Variants in SOX5 observed in about 807,000 individuals in gnomAD.
The protein encoded by SOX5 is transcription factor SOX-5.
In SOX5, 9 loss-of-function variants were observed where a neutral mutation model predicts 92.0. That is an observed-to-expected ratio of 0.10 (90% CI 0.06 to 0.17). SOX5 has a LOEUF of 0.17. Among genes scored for constraint, SOX5 ranks in the 10% least tolerant of loss-of-function variants. The pLI is 1.00. For synonymous variants in SOX5, 344 were observed against 336.3 expected (o/e 1.02, Z -0.25); for missense variants, 642 against 944.5 (o/e 0.68, Z 4.20).
At chr12:24,357,275 G>C (rs1224717955) in intron 2 of SOX5, 1 of 152,166 alleles carries the variant, frequency 6.6e-6, no homozygotes, top group East Asian at 1.9e-4. Flanking sequence ...TAAGACAAGA[G>C]AAACAAGACT....
At chr12:24,050,336 T>C (rs1407619855) in intron 4 of SOX5, among the ~76,000 whole-genome samples, 5 of 152,156 alleles carry the variant, frequency 3.3e-5, no homozygotes, top group African/African-American at 9.7e-5. Flanking sequence ...TGACTAGACA[T>C]ACATTACTCA....
chr12:24,023,878 A>G (rs1021671), intron 4 of SOX5, among the ~76,000 whole-genome samples: 89,316 of 151,806 alleles, frequency 0.59, 26,497 homozygotes, highest in East Asian at 0.7. Context: ...CATAATCCCC[A>G]CCCTCAGGAT....
chr12:23,737,994 C>T (rs907325015), intron 5 of SOX5, among the ~76,000 whole-genome samples: 9 of 152,198 alleles, frequency 5.9e-5, no homozygotes, highest in Admixed American at 2.6e-4. Context: ...GTACAGTTTA[C>T]TGGTTTACTT....
chr12:23,600,625 G>C (rs1229503036), intron 9 of SOX5, among the ~76,000 whole-genome samples: 5 of 145,980 alleles, frequency 3.4e-5, no homozygotes, highest in Non-Finnish European at 7.5e-5. Context: ...CAATATGTCA[G>C]GCATTAGTGC....
intron 2 of SOX5, among the ~76,000 whole-genome samples, chr12:24,326,900 A>G (rs533488733): frequency 2.6e-5 from 4 of 151,832 alleles, no homozygotes; most frequent in East Asian, 1.9e-4. Flanking sequence ...TTTTACTTGC[A>G]TTGGTTTTTC....
chr12:23,837,918 GTTTATATTTATATAATATATA>G (rs2096451077), intron 3 of SOX5, among the ~76,000 whole-genome samples: 1 of 108,788 alleles, frequency 9.2e-6, no homozygotes, highest in Non-Finnish European at 1.7e-5. Context: ...TATATACTAT[GTTTATATTTATATAATATATA>G]TTTATATTTA....
At chr12:23,909,305 G>C (rs1286492721) in intron 1 of SOX5, among the ~76,000 whole-genome samples, 2 of 152,136 alleles carry the variant, frequency 1.3e-5, no homozygotes, top group Non-Finnish European at 2.9e-5. Context: ...ACATACAATG[G>C]AGGTGTTTTC....
At chr12:24,368,742 C>T (rs1410539876) in intron 1 of SOX5, 2 of 152,176 alleles carry the variant, frequency 1.3e-5, no homozygotes, top group Admixed American at 1.3e-4. Flanking sequence ...AGTAACCATC[C>T]ATATATCAAC....
chr12:23,606,677 C>G (rs768801344), intron 8 of SOX5, among the ~76,000 whole-genome samples: 36 of 151,764 alleles, frequency 2.4e-4, no homozygotes, highest in Non-Finnish European at 4.1e-4. Context: ...ATTAAAAATA[C>G]AAGTATAAAA....
intron 1 of SOX5, among the ~76,000 whole-genome samples, chr12:24,481,189 G>A (rs551390306): frequency 6.6e-6 from 1 of 152,238 alleles, no homozygotes; most frequent in African/African-American, 2.4e-5. Context: ...TCGCTTATGT[G>A]TGCAATCTGA....
chr12:23,996,871 G>T (rs2091038320), intron 4 of SOX5, among the ~76,000 whole-genome samples: 1 of 152,162 alleles, frequency 6.6e-6, no homozygotes. Flanking sequence ...TTCTTTTGAG[G>T]TGATGAAACT....
intron 1 of SOX5, among the ~76,000 whole-genome samples, chr12:23,930,192 C>A (rs571001950): frequency 6.6e-6 from 1 of 151,816 alleles, no homozygotes; most frequent in African/African-American, 2.4e-5. Flanking sequence ...ACTGGTAAAG[C>A]AGACTTTGTT....
chr12:23,611,707 G>A (rs2075985018), intron 8 of SOX5, among the ~76,000 whole-genome samples: 1 of 152,092 alleles, frequency 6.6e-6, no homozygotes, highest in Non-Finnish European at 1.5e-5. Flanking sequence ...ATATGACAGT[G>A]TATGGTTTGA....
chr12:24,066,181 C>G (rs968764902), intron 4 of SOX5, among the ~76,000 whole-genome samples: 1 of 152,166 alleles, frequency 6.6e-6, no homozygotes, highest in Non-Finnish European at 1.5e-5. Flanking sequence ...AAGATACAAT[C>G]TCTTCTCTTA....
chr12:24,411,676 T>C (rs1206086603), intron 1 of SOX5, among the ~76,000 whole-genome samples: 2 of 152,226 alleles, frequency 1.3e-5, no homozygotes, highest in African/African-American at 4.8e-5. Flanking sequence ...TCATGATGTA[T>C]AATATGGTTC....
At chr12:23,538,307 G>A (rs1008325071) in intron 13 of SOX5, among the ~76,000 whole-genome samples, 1 of 152,152 alleles carries the variant, frequency 6.6e-6, no homozygotes, top group Non-Finnish European at 1.5e-5. Context: ...ATATTGTATT[G>A]CATAGGTATA....
intron 1 of SOX5, among the ~76,000 whole-genome samples, chr12:24,497,949 C>T (rs971900006): frequency 6.6e-6 from 1 of 152,056 alleles, no homozygotes; most frequent in Non-Finnish European, 1.5e-5. Context: ...AATGCAGCAA[C>T]AGAAAACCAA....
At chr12:23,711,314 A>G (rs910122103) in intron 6 of SOX5, among the ~76,000 whole-genome samples, 2 of 152,154 alleles carry the variant, frequency 1.3e-5, no homozygotes, top group Non-Finnish European at 2.9e-5. Flanking sequence ...TAATTTTTAA[A>G]CTTAGCACCG....
chr12:24,458,863 C>G (rs983418059), intron 1 of SOX5, among the ~76,000 whole-genome samples: 1 of 152,144 alleles, frequency 6.6e-6, no homozygotes, highest in Admixed American at 6.5e-5. Context: ...AACTGGAATT[C>G]TAGAACATTC....
Sources: gnomAD v4.1 joint callset for allele counts (sites outside exome capture counted in the v4.1 genomes callset) on GRCh38, gnomAD v4.1.1 for gene constraint, MANE v1.5 for transcripts, NCBI Gene and HGNC (gene_info 2026-07-23, HGNC 2026-07-21) for gene names.